ACTR3B: variants seen among roughly 807,000 people sequenced by gnomAD.
ACTR3B encodes actin-related protein 3B.
A neutral mutation model predicts 59.0 loss-of-function variants in ACTR3B; 8 were observed. That is an observed-to-expected ratio of 0.14 (90% CI 0.08 to 0.24). ACTR3B has a LOEUF of 0.24. ACTR3B is among the 10% of genes least tolerant of loss of function. ACTR3B has a pLI of 1.00. For missense variants in ACTR3B, 245 were observed against 552.3 expected (o/e 0.44, Z 5.58); for synonymous variants, 148 against 197.9 (o/e 0.75, Z 2.12).
chr7:152,762,701 A>G (rs1348150100), intron 1 of ACTR3B, among the ~76,000 whole-genome samples: 1 of 152,200 alleles, frequency 6.6e-6, no homozygotes, highest in Non-Finnish European at 1.5e-5. Context: ...CCTCCCCATC[A>G]GCGGCATACA....
At chr7:152,767,422 C>A (rs1293601721) in intron 1 of ACTR3B, among the ~76,000 whole-genome samples, 1 of 152,106 alleles carries the variant, frequency 6.6e-6, no homozygotes, top group Non-Finnish European at 1.5e-5. Flanking sequence ...CTAATGGTGC[C>A]GGCTTCCCCT....
At chr7:152,759,949 C>A (rs753679393) in intron 1 of ACTR3B, 23 bp downstream of exon 1, 2 of 1,348,402 alleles carry the variant, frequency 1.5e-6, no homozygotes, top group South Asian at 3.4e-5. Context: ...CGGCGCCCAC[C>A]CCCGCTCCTC....
At chr7:152,797,600 C>T (rs982356244) in intron 2 of ACTR3B, among the ~76,000 whole-genome samples, 3 of 152,146 alleles carry the variant, frequency 2.0e-5, no homozygotes, top group East Asian at 3.9e-4. Context: ...GTTGTCACGT[C>T]GTTGTATGCT....
chr7:152,846,575 C>G (rs1417552787), intron 9 of ACTR3B, among the ~76,000 whole-genome samples: 1 of 141,714 alleles, frequency 7.1e-6, no homozygotes, highest in Non-Finnish European at 1.5e-5. Context: ...GTAGTGAGCT[C>G]TAGTGCCTGG....
intron 9 of ACTR3B, among the ~76,000 whole-genome samples, chr7:152,838,869 G>A (rs1453965012): frequency 2.6e-5 from 4 of 152,184 alleles, no homozygotes; most frequent in Non-Finnish European, 5.9e-5. Flanking sequence ...GACATGCTGT[G>A]TTGATGGGTG....
intron 2 of ACTR3B, among the ~76,000 whole-genome samples, chr7:152,798,727 A>G (rs752884032): frequency 7.2e-5 from 11 of 152,142 alleles, no homozygotes; most frequent in Admixed American, 2.6e-4. Context: ...ATAAGCATTC[A>G]TTTTCATTCT....
chr7:152,819,931 A>G (rs974539317), intron 6 of ACTR3B, among the ~76,000 whole-genome samples: 1 of 152,262 alleles, frequency 6.6e-6, no homozygotes, highest in African/African-American at 2.4e-5. Context: ...ATTTATAAAT[A>G]AAACTTTTTC....
At chr7:152,828,689 C>G (rs1796777953) in intron 9 of ACTR3B, among the ~76,000 whole-genome samples, 1 of 152,178 alleles carries the variant, frequency 6.6e-6, no homozygotes, top group Non-Finnish European at 1.5e-5. Context: ...CCTCTTGGTT[C>G]ACTATGCAGT....
At chr7:152,790,793 C>G (rs1193271007) in intron 2 of ACTR3B, among the ~76,000 whole-genome samples, 3 of 152,086 alleles carry the variant, frequency 2.0e-5, no homozygotes, top group African/African-American at 7.2e-5. Flanking sequence ...TAAAAAATTA[C>G]TATTGTTGTG....
At chr7:152,802,092 AT>A (rs1174444606) in intron 4 of ACTR3B, among the ~76,000 whole-genome samples, 2 of 151,928 alleles carry the variant, frequency 1.3e-5, no homozygotes, top group African/African-American at 4.8e-5. Context: ...GAGATAGAAG[AT>A]TTCCCTTGCA....
chr7:152,851,923 C>T (rs79359338), intron 9 of ACTR3B, among the ~76,000 whole-genome samples: 2,439 of 152,020 alleles, frequency 0.016, 67 homozygotes, highest in African/African-American at 0.056. Context: ...GATTAAGGAG[C>T]CATCTGTGGC....
At chr7:152,809,788 ACCT>A (rs1020875160) in intron 4 of ACTR3B, among the ~76,000 whole-genome samples, 3 of 151,798 alleles carry the variant, frequency 2.0e-5, no homozygotes, top group African/African-American at 7.3e-5. Flanking sequence ...TGATCCGCCC[ACCT>A]CAGCCTCCTA....
At chr7:152,764,548 T>G (rs1327258012) in intron 1 of ACTR3B, among the ~76,000 whole-genome samples, 1 of 150,966 alleles carries the variant, frequency 6.6e-6, no homozygotes, top group African/African-American at 2.4e-5. Context: ...CTCAGGAGGC[T>G]GAGGCAGGAG....
chr7:152,771,788 AAGAT>A (rs1253803820), intron 1 of ACTR3B, among the ~76,000 whole-genome samples: 1 of 152,206 alleles, frequency 6.6e-6, no homozygotes, highest in Admixed American at 6.6e-5. Flanking sequence ...TAAAACCTGA[AAGAT>A]AGGCCGGGCA....
intron 9 of ACTR3B, among the ~76,000 whole-genome samples, chr7:152,847,923 A>G (rs773041449): frequency 4.3e-4 from 65 of 152,172 alleles, no homozygotes; most frequent in Admixed American, 1.6e-3. Flanking sequence ...GTGTCTTCTA[A>G]TGGCTCGCGG....
chr7:152,851,106 C>T (rs1229142703), intron 9 of ACTR3B, among the ~76,000 whole-genome samples: 1 of 152,172 alleles, frequency 6.6e-6, no homozygotes, highest in Non-Finnish European at 1.5e-5. Flanking sequence ...CCTATATATA[C>T]TGTGTTTTTT....
intron 9 of ACTR3B, among the ~76,000 whole-genome samples, chr7:152,833,680 GC>G (rs1267148058): frequency 1.2e-4 from 19 of 152,130 alleles, no homozygotes; most frequent in African/African-American, 4.3e-4. Context: ...TTGATATTAA[GC>G]ACTTGCTGTT....
In ACTR3B at chr7:152,849,882, T is replaced by C. The variant is rs540408678; in HGVS notation, c.952-2244T>C. On this transcript the variant is annotated intron_variant, in intron 9 of 11. Coordinates refer to ENST00000256001, the MANE Select transcript of ACTR3B (RefSeq NM_020445.6). Reference sequence around the variant, plus strand: ...GGAAGACGAGGTCACTGGTGGCTTCTCCAGGTGAAAGGCCAGATCCCTGGT... The same window carrying C: ...GGAAGACGAGGTCACTGGTGGCTTCCCCAGGTGAAAGGCCAGATCCCTGGT... Among the ~76,000 whole-genome samples, 13 of 152,326 alleles carry C rather than the reference T, an allele frequency of 8.5e-5. No homozygotes were observed. In the South Asian group the frequency reaches 2.3e-3, roughly 27 times the overall value.
chr7:152,804,146 G>C (rs1186995076), intron 4 of ACTR3B, among the ~76,000 whole-genome samples: 1 of 152,112 alleles, frequency 6.6e-6, no homozygotes, highest in Non-Finnish European at 1.5e-5. Context: ...GAGGTGCAGA[G>C]ACTCAGCTTA....
Sources: gnomAD v4.1 joint callset for allele counts (sites outside exome capture counted in the v4.1 genomes callset) on GRCh38, gnomAD v4.1.1 for gene constraint, MANE v1.5 for transcripts, NCBI Gene and HGNC (gene_info 2026-07-23, HGNC 2026-07-21) for gene names.